PDXDC1: variants seen among roughly 807,000 people sequenced by gnomAD.
PDXDC1 encodes the protein pyridoxal-dependent decarboxylase domain-containing protein 1.
A neutral mutation model predicts 100.1 loss-of-function variants in PDXDC1; 42 were observed. The ratio of observed to expected loss-of-function variants is 0.42; its 90% CI spans 0.33 to 0.54. PDXDC1 has a LOEUF of 0.54. Among genes scored for constraint, PDXDC1 ranks in the 20% least tolerant of loss-of-function variants. PDXDC1 has a pLI of 0.10. For synonymous variants in PDXDC1, 260 were observed against 371.7 expected (o/e 0.70, Z 3.46); for missense variants, 636 against 979.2 (o/e 0.65, Z 4.68).
At chr16:15,008,386 T>C (rs1451140956) in intron 6 of PDXDC1, among the ~76,000 whole-genome samples, 5 of 152,294 alleles carry the variant, frequency 3.3e-5, no homozygotes, top group African/African-American at 1.2e-4. Context: ...AATAAGATAC[T>C]GTTCTTTGAA....
At chr16:15,141,178 C>T (rs1392750628), downstream of PDXDC1, among the ~76,000 whole-genome samples, 1 of 152,202 alleles carries the variant, frequency 6.6e-6, no homozygotes, top group Non-Finnish European at 1.5e-5. Context: ...CCAGCCAGCC[C>T]TGCTCCTCCC....
At chr16:15,121,866 C>G (rs1294706020) in intron 16 of PDXDC1, 8 of 187,380 alleles carry the variant, frequency 4.3e-5, no homozygotes, top group Non-Finnish European at 8.8e-5. Context: ...ATATTTTGGC[C>G]AGGCGCGGTG....
intron 14 of PDXDC1, among the ~76,000 whole-genome samples, chr16:15,027,390 T>C (rs2042694538): frequency 6.6e-6 from 1 of 152,278 alleles, no homozygotes; most frequent in South Asian, 2.1e-4. Flanking sequence ...CCAGCGGGCA[T>C]GTGTTACAGT....
intron 11 of PDXDC1, among the ~76,000 whole-genome samples, chr16:15,017,632 T>G (rs1281716022): frequency 2.0e-5 from 3 of 152,294 alleles, no homozygotes; most frequent in Admixed American, 1.3e-4. Context: ...TCTCCATTTA[T>G]GAACTTATAG....
intron 1 of PDXDC1, among the ~76,000 whole-genome samples, chr16:14,983,251 T>C (rs1029040388): frequency 1.3e-5 from 2 of 152,278 alleles, no homozygotes; most frequent in Admixed American, 1.3e-4. Context: ...TTTTAGACTT[T>C]CTTTGTTATA....
At chr16:15,124,076 T>C (rs1445489785) in intron 16 of PDXDC1, among the ~76,000 whole-genome samples, 1 of 152,200 alleles carries the variant, frequency 6.6e-6, no homozygotes, top group East Asian at 1.9e-4. Flanking sequence ...CTCAGGGACG[T>C]CCAAGGAATC....
rs1597209221 is a variant in PDXDC1 at position 14,975,233 on chromosome 16, A to C, written c.21+13A>C. ...GTCCCTGGAGAAGGTCCGTGCCGGG[A>C]GGGGGCGATGGGGACGGTGCTGCGG... is the stretch of plus-strand genomic sequence containing the variant. On this transcript the variant is annotated intron_variant, in intron 1 of 22. Transcript: ENST00000396410. The C allele has an allele frequency of 2.8e-6, 4 of 1,417,402 alleles. No homozygotes were observed. The highest frequency in any genetic ancestry group is 4.8e-4 in the Middle Eastern group (2 of 4,144). 87.8% of individuals were successfully genotyped at this position (1,417,402 alleles called of 1,614,324 possible).
intron 16 of PDXDC1, chr16:15,076,653 A>G (rs1360685154): frequency 6.3e-7 from 1 of 1,589,954 alleles, no homozygotes; most frequent in East Asian, 2.2e-5. Flanking sequence ...GCATTCACCT[A>G]TAACAAAGGG....
At chr16:15,131,633 G>A (rs569917164) in intron 16 of PDXDC1, 48 of 1,587,704 alleles carry the variant, frequency 3.0e-5, no homozygotes, top group South Asian at 2.0e-4. Flanking sequence ...GCCACCATCC[G>A]CGATGGTGAC....
At chr16:15,040,097 G>A (rs1342035201), downstream of PDXDC1, 6 of 1,247,048 alleles carry the variant, frequency 4.8e-6, no homozygotes, top group Non-Finnish European at 7.0e-6. Flanking sequence ...ACTCTGAATT[G>A]ACAAAAGACC....
intron 16 of PDXDC1, chr16:15,133,063 T>A: frequency 3.0e-6 from 2 of 677,164 alleles, no homozygotes; most frequent in Non-Finnish European, 4.9e-6. Flanking sequence ...GGGCGGGGGC[T>A]GCATTGTGGA....
chr16:15,102,055 T>G (rs1300674414), intron 16 of PDXDC1, among the ~76,000 whole-genome samples: 1 of 151,756 alleles, frequency 6.6e-6, no homozygotes, highest in Non-Finnish European at 1.5e-5. Flanking sequence ...GCCATGTTGG[T>G]CAGGCTGCTC....
In PDXDC1 at chr16:15,007,615, A is replaced by G. The variant is rs546906290; in HGVS notation, c.579+1032A>G. ...GGAGGGTTCCTCTTTTGTAAGCTGT[A>G]GGAGTCCCAGGGGGATGTATGGGAG... is the stretch of plus-strand genomic sequence containing the variant. On this transcript the variant is annotated intron_variant, in intron 6 of 22. Coordinates refer to ENST00000396410, the MANE Select transcript of PDXDC1 (RefSeq NM_015027.4). 2.6e-5 allele frequency among the ~76,000 whole-genome samples: 4 copies of G among 152,406 alleles called. No individual in the cohort carries two copies. The East Asian group carries it at 7.7e-4, about 29-fold the overall frequency.
At chr16:15,004,763 C>G (rs1253813806) in intron 5 of PDXDC1, among the ~76,000 whole-genome samples, 1 of 152,250 alleles carries the variant, frequency 6.6e-6, no homozygotes, top group South Asian at 2.1e-4. Context: ...ATGCTCAAAT[C>G]CCTTATATAA....
intron 16 of PDXDC1, among the ~76,000 whole-genome samples, chr16:15,129,135 A>G (rs1329114020): frequency 6.6e-6 from 1 of 151,938 alleles, no homozygotes; most frequent in East Asian, 2.0e-4. Flanking sequence ...AATCAAAAGA[A>G]AGAACTGGGA....
chr16:14,994,835 T>C (rs1325152581), intron 1 of PDXDC1, among the ~76,000 whole-genome samples: 2 of 148,952 alleles, frequency 1.3e-5, no homozygotes, highest in African/African-American at 4.9e-5. Flanking sequence ...GTTTGTAGTT[T>C]TCCTTGAAGA....
chr16:15,096,896 C>T (rs1016872166), intron 16 of PDXDC1, among the ~76,000 whole-genome samples: 16 of 152,234 alleles, frequency 1.1e-4, no homozygotes, highest in Middle Eastern at 3.4e-3. Flanking sequence ...CTTGAACCCC[C>T]GGCCCAAGTG....
chr16:14,992,970 G>C (rs1046627573), intron 1 of PDXDC1, among the ~76,000 whole-genome samples: 4 of 151,926 alleles, frequency 2.6e-5, no homozygotes, highest in African/African-American at 9.7e-5. Flanking sequence ...TCCTACCTCT[G>C]CCTCCCAAGT....
chr16:15,094,017 G>C, intron 16 of PDXDC1: 1 of 794,262 alleles, frequency 1.3e-6, no homozygotes, highest in Non-Finnish European at 2.1e-6. Context: ...GTGAACGTGA[G>C]ATGACCCTCC....
Sources: gnomAD v4.1 joint callset for allele counts (sites outside exome capture counted in the v4.1 genomes callset) on GRCh38, gnomAD v4.1.1 for gene constraint, MANE v1.5 for transcripts, NCBI Gene and HGNC (gene_info 2026-07-23, HGNC 2026-07-21) for gene names.